The following GPC5 variants were observed in gnomAD, a reference collection of about 807,000 sequenced individuals.
The protein encoded by GPC5 is glypican-5.
A neutral mutation model predicts 53.9 loss-of-function variants in GPC5; 47 were observed. The observed-to-expected ratio is 0.87, with a 90% confidence interval of 0.69 to 1.11. The LOEUF is 1.11. Among genes scored for constraint, GPC5 ranks in the 50% most tolerant of loss-of-function variants. The probability of loss-of-function intolerance (pLI) is 0.00; values close to 1 mark genes in which losing one functional copy is unlikely to be tolerated. For missense variants in GPC5, 748 were observed against 713.1 expected, an observed-to-expected ratio of 1.05 and a Z score of -0.56; for synonymous variants, 286 against 263.3, an observed-to-expected ratio of 1.09 and a Z score of -0.84.
intron 5 of GPC5, among the ~76,000 whole-genome samples, chr13:91,899,205 C>T (rs2039472763): frequency 6.6e-6 from 1 of 151,960 alleles, no homozygotes; most frequent in South Asian, 2.1e-4. Flanking sequence ...AGTGCCTTTC[C>T]TGTTTGTGTG....
At chr13:92,218,135 C>T (rs1315651923) in intron 7 of GPC5, among the ~76,000 whole-genome samples, 1 of 151,762 alleles carries the variant, frequency 6.6e-6, no homozygotes, top group Non-Finnish European at 1.5e-5. Context: ...GCTATGTTGC[C>T]CAGGTTGGTC....
intron 6 of GPC5, among the ~76,000 whole-genome samples, chr13:92,063,371 A>G (rs1296302234): frequency 6.6e-6 from 1 of 152,082 alleles, no homozygotes; most frequent in African/African-American, 2.4e-5. Context: ...TTGAAATCTC[A>G]GAGTATAATA....
chr13:92,033,798 C>T (rs2040872052), intron 6 of GPC5, among the ~76,000 whole-genome samples: 3 of 152,158 alleles, frequency 2.0e-5, no homozygotes, highest in Non-Finnish European at 4.4e-5. Flanking sequence ...GCATTCCCTT[C>T]AGTAGGAACT....
chr13:91,629,970 C>T lies in GPC5; in HGVS notation c.326-63217C>T, dbSNP rs76784521. 9.4e-3 allele frequency among the ~76,000 whole-genome samples: 1,433 copies of T among 152,210 alleles called. 25 individuals are homozygous for T. Among genetic ancestry groups the T allele is most frequent in the African/African-American group, 0.033 (1,375 of 41,538 alleles). Reference sequence around the variant, plus strand: ...ACTTTTCCCTTTCTGTGACCTTTTCCAATGATCATCTTTATCGCCAGGCAC... The same window carrying T: ...ACTTTTCCCTTTCTGTGACCTTTTCTAATGATCATCTTTATCGCCAGGCAC... On this transcript the variant is annotated intron_variant, in intron 2 of 7. Coordinates refer to ENST00000377067, the MANE Select transcript of GPC5 (RefSeq NM_004466.6).
chr13:91,416,170 G>A (rs867988136), intron 1 of GPC5, among the ~76,000 whole-genome samples: 3 of 152,076 alleles, frequency 2.0e-5, no homozygotes, highest in Admixed American at 6.6e-5. Flanking sequence ...ACAGTATAGG[G>A]CTGCCCATTC....
intron 6 of GPC5, among the ~76,000 whole-genome samples, chr13:92,133,036 T>C (rs913683162): frequency 2.0e-5 from 3 of 152,104 alleles, no homozygotes; most frequent in African/African-American, 7.2e-5. Context: ...CTCAACAAGA[T>C]TGATTTTCTT....
At chr13:92,689,526 C>A (rs1192550084) in intron 7 of GPC5, among the ~76,000 whole-genome samples, 1 of 96,190 alleles carries the variant, frequency 1.0e-5, no homozygotes, top group African/African-American at 3.5e-5. Flanking sequence ...ATCCAACTTG[C>A]CAGTCTGTGT....
At chr13:92,379,873 A>G (rs2043725346) in intron 7 of GPC5, among the ~76,000 whole-genome samples, 1 of 152,166 alleles carries the variant, frequency 6.6e-6, no homozygotes, top group African/African-American at 2.4e-5. Context: ...TCATTCAGCT[A>G]GTGGCTACCT....
At chr13:92,119,751 G>A (rs1452960439) in intron 6 of GPC5, among the ~76,000 whole-genome samples, 1 of 151,692 alleles carries the variant, frequency 6.6e-6, no homozygotes, top group Non-Finnish European at 1.5e-5. Context: ...CCACAATTTT[G>A]TAAGGAAAAA....
chr13:92,548,089 T>G (rs1882189906), intron 7 of GPC5, among the ~76,000 whole-genome samples: 1 of 150,654 alleles, frequency 6.6e-6, no homozygotes, highest in Non-Finnish European at 1.5e-5. Context: ...TCCGCCCGCC[T>G]CAGCCTCCCA....
chr13:91,571,266 T>A lies in GPC5; in HGVS notation c.326-121921T>A, dbSNP rs188279238. On this transcript the variant is annotated intron_variant, in intron 2 of 7. Transcript: ENST00000377067. ...GGAGATAAACATTTCTGATTTTAAC[T>A]CTTTGCTAATTCCTTGAAATGTTTC... Among the ~76,000 whole-genome samples the A allele has an allele frequency of 2.4e-3, 358 of 152,302 alleles. 1 individual carries two copies. Among genetic ancestry groups the A allele is most frequent in the Non-Finnish European group, 3.8e-3 (259 of 68,022 alleles).
intron 7 of GPC5, among the ~76,000 whole-genome samples, chr13:92,425,951 G>A (rs762559990): frequency 5.3e-5 from 8 of 151,830 alleles, no homozygotes; most frequent in Non-Finnish European, 1.0e-4. Flanking sequence ...TTTATAGTTG[G>A]TGTTGTTAAT....
At chr13:91,846,272 A>G (rs189747559) in intron 5 of GPC5, among the ~76,000 whole-genome samples, 1 of 152,086 alleles carries the variant, frequency 6.6e-6, no homozygotes, top group African/African-American at 2.4e-5. Flanking sequence ...CTCAATTAAC[A>G]TATAATCCTA....
intron 7 of GPC5, among the ~76,000 whole-genome samples, chr13:92,532,631 A>G (rs1374379916): frequency 6.6e-6 from 1 of 152,102 alleles, no homozygotes; most frequent in Non-Finnish European, 1.5e-5. Context: ...TTTCCTTTTC[A>G]TTTTATAATC....
chr13:91,689,176 C>CATATATAAAT (rs1220592385), intron 2 of GPC5, among the ~76,000 whole-genome samples: 12 of 59,008 alleles, frequency 2.0e-4, no homozygotes, highest in Admixed American at 5.0e-4. Context: ...CTCAAAAAAT[C>CATATATAAAT]ATATATAAAT....
At position 92,322,562 on chromosome 13, in the gene GPC5, T is replaced by C. The variant is rs9589501; in HGVS notation, c.1561+177573T>C. 5.1e-3 allele frequency among the ~76,000 whole-genome samples: 777 copies of C among 152,292 alleles called. 8 individuals are homozygous for C. Among genetic ancestry groups the C allele is most frequent in the African/African-American group, 0.018 (750 of 41,562 alleles). On this transcript the variant is annotated intron_variant, in intron 7 of 7. Coordinates refer to ENST00000377067, the MANE Select transcript of GPC5 (RefSeq NM_004466.6). ...GCTTAATGCAGTCTCACTAGCTAGA[T>C]TGCATCTCTTTGCTATTGTCTATAG...
chr13:92,763,525 T>C (rs1875275312), intron 7 of GPC5, among the ~76,000 whole-genome samples: 1 of 152,150 alleles, frequency 6.6e-6, no homozygotes. Context: ...AGAATGATCC[T>C]CTTGGTATCA....
intron 6 of GPC5, among the ~76,000 whole-genome samples, chr13:92,099,565 T>G (rs1252072882): frequency 6.6e-6 from 1 of 152,238 alleles, no homozygotes; most frequent in African/African-American, 2.4e-5. Flanking sequence ...TCTTGTTTTC[T>G]TGATCCTCTT....
At chr13:91,988,540 G>T (rs113017568) in intron 6 of GPC5, among the ~76,000 whole-genome samples, 2,188 of 152,298 alleles carry the variant, frequency 0.014, 47 homozygotes, top group African/African-American at 0.05. Context: ...CAATCTGGAA[G>T]ATCAGCGCTG....
Sources: allele counts gnomAD v4.1 joint callset (sites outside exome capture counted in the v4.1 genomes callset), GRCh38; gene constraint gnomAD v4.1.1; transcripts MANE v1.5; gene names NCBI Gene and HGNC (gene_info 2026-07-23, HGNC 2026-07-21).